The following ZBTB10 variants were observed in gnomAD, a reference collection of about 807,000 sequenced individuals.
ZBTB10 encodes zinc finger and BTB domain containing 10.
In ZBTB10, 32 loss-of-function variants were observed where a neutral mutation model predicts 76.4. That is an observed-to-expected ratio of 0.42 (90% CI 0.32 to 0.56). The LOEUF (loss-of-function observed/expected upper bound fraction) is 0.56, where lower values mean the gene tolerates loss of function less well. Among genes scored for constraint, ZBTB10 ranks in the 20% least tolerant of loss-of-function variants. The probability of loss-of-function intolerance (pLI) is 0.14; values close to 1 mark genes in which losing one functional copy is unlikely to be tolerated. For synonymous variants in ZBTB10, 523 were observed against 432.9 expected (o/e 1.21, Z -2.58); for missense variants, 1,057 against 1,098.5 (o/e 0.96, Z 0.53).
At chr8:80,488,148 AGCTGGTCTATGCTC>A (rs1361131740) in intron 1 of ZBTB10, among the ~76,000 whole-genome samples, 3 of 152,214 alleles carry the variant, frequency 2.0e-5, no homozygotes, top group Non-Finnish European at 4.4e-5. Context: ...ATTTTAGAGA[AGCTGGTCTATGCTC>A]ACAGACGTTT....
At chr8:80,518,325 TATA>T (rs1816381179) in intron 3 of ZBTB10, 75 bp from the exon 4 acceptor site, 1 of 1,342,116 alleles carries the variant, frequency 7.5e-7, no homozygotes, top group Non-Finnish European at 1.0e-6. Flanking sequence ...AGGATATAAA[TATA>T]ATTTCTGTTT....
At chr8:80,518,711 A>G (rs975980938) in intron 4 of ZBTB10, 71 bp from the exon 5 acceptor site, 5 of 1,501,536 alleles carry the variant, frequency 3.3e-6, no homozygotes, top group African/African-American at 2.8e-5. Context: ...AGAGATAGAG[A>G]TAAGAAGTTT....
chr8:80,507,091 C>T (rs569705165), intron 2 of ZBTB10, among the ~76,000 whole-genome samples: 32 of 152,028 alleles, frequency 2.1e-4, no homozygotes, highest in Admixed American at 9.2e-4. Flanking sequence ...AGGTGGATCA[C>T]GAGGGCAAGA....
Position 80,523,711 on chromosome 8 carries a change from G to A in ZBTB10, c.*4183G>A, listed in dbSNP as rs1816495463. 6.6e-6 allele frequency: 1 copy of A among 151,696 alleles called. No homozygotes were observed. The highest frequency in any genetic ancestry group is 2.1e-4 in the South Asian group (1 of 4,822). The allele number at this position is 151,696 out of a possible 1,614,324, so 9.4% of individuals were successfully genotyped here. The stretch of plus-strand genomic sequence containing the variant: ...TGTTAGGGATAAGCACACTTCAAAA[G>A]ATGTTTTCTAGCCCTAAATTTTATG... On this transcript the variant is annotated 3_prime_UTR_variant, in exon 6 of 6. Coordinates refer to ENST00000455036, the MANE Select transcript of ZBTB10 (RefSeq NM_001105539.3).
chr8:80,498,978 T>C (rs1375559430), intron 1 of ZBTB10, among the ~76,000 whole-genome samples: 1 of 152,224 alleles, frequency 6.6e-6, no homozygotes, highest in Non-Finnish European at 1.5e-5. Context: ...TTAGATTTAA[T>C]TAACTTCATT....
At chr8:80,518,308 T>TTA in intron 3 of ZBTB10, 95 bp from the exon 4 acceptor site, 1 of 1,178,138 alleles carries the variant, frequency 8.5e-7, no homozygotes, top group Non-Finnish European at 1.2e-6. Flanking sequence ...TCTATCATAA[T>TTA]GCCTGTAGGA....
intron 5 of ZBTB10, 72 bp downstream of exon 5, chr8:80,519,026 AAC>A: frequency 6.7e-7 from 1 of 1,484,602 alleles, no homozygotes; most frequent in South Asian, 1.4e-5. Flanking sequence ...AAGGGATTTA[AAC>A]AGTTAATTGT....
rs933219238 is a variant in ZBTB10 at position 80,525,993 on chromosome 8, T to C, written c.*6465T>C. On this transcript the variant is annotated 3_prime_UTR_variant, in exon 6 of 6. Coordinates refer to ENST00000455036, the MANE Select transcript of ZBTB10 (RefSeq NM_001105539.3). ...TAGTAGATAATGTTACTGCAAGATG[T>C]AATGACCAAATCCAACCTACTGCAA... 3.3e-5 allele frequency: 5 copies of C among 152,198 alleles called. No individual in the cohort carries two copies. Among genetic ancestry groups the C allele is most frequent in the Non-Finnish European group, 7.3e-5 (5 of 68,032 alleles). The allele number at this position is 152,198 out of a possible 1,614,324, so 9.4% of individuals were successfully genotyped here.
Sources: allele counts gnomAD v4.1 joint callset (sites outside exome capture counted in the v4.1 genomes callset), GRCh38; gene constraint gnomAD v4.1.1; transcripts MANE v1.5; gene names NCBI Gene and HGNC (gene_info 2026-07-23, HGNC 2026-07-21).